The following PACRG variants were observed in gnomAD, a reference collection of about 807,000 sequenced individuals.
PACRG encodes parkin coregulated gene protein.
A neutral mutation model predicts 29.7 loss-of-function variants in PACRG; 29 were observed. The ratio of observed to expected loss-of-function variants is 0.98; its 90% confidence interval spans 0.73 to 1.33. PACRG has a LOEUF of 1.33. Among genes scored for constraint, PACRG ranks in the 40% most tolerant of loss-of-function variants. The probability of loss-of-function intolerance (pLI) is 0.00; values close to 1 mark genes in which losing one functional copy is unlikely to be tolerated. For synonymous variants in PACRG, 116 were observed against 118.7 expected (o/e 0.98, Z 0.15); for missense variants, 279 against 316.2 (o/e 0.88, Z 0.89).
At chr6:162,789,976 A>G (rs1784807124) in intron 1 of PACRG, among the ~76,000 whole-genome samples, 1 of 152,138 alleles carries the variant, frequency 6.6e-6, no homozygotes, top group African/African-American at 2.4e-5. Flanking sequence ...ATTTAGCACT[A>G]TTGGTTTACC....
chr6:162,773,494 A>ATTT (rs71008110), intron 1 of PACRG, among the ~76,000 whole-genome samples: 1,887 of 66,038 alleles, frequency 0.029, 257 homozygotes, highest in East Asian at 0.11. Context: ...ACAGCTTGTC[A>ATTT]TTTTTTTTTT....
chr6:163,265,016 G>A lies in PACRG; in HGVS notation c.614-49811G>A, dbSNP rs146379804. Among the ~76,000 whole-genome samples, 401 of 152,276 alleles carry A rather than the reference G, an allele frequency of 2.6e-3. 3 individuals carry two copies. Among genetic ancestry groups the A allele is most frequent in the African/African-American group, 9.3e-3 (385 of 41,560 alleles). On this transcript the variant is annotated intron_variant, in intron 4 of 4. Coordinates refer to ENST00000366888, the MANE Select transcript of PACRG (RefSeq NM_001080379.2). ...GATAGATCCTAGCAATGGATGATAT[G>A]CTTTTAAGCTGAAAGTGCTTTGAGG...
intron 2 of PACRG, among the ~76,000 whole-genome samples, chr6:163,029,502 G>A (rs529554375): frequency 3.9e-5 from 6 of 152,106 alleles, no homozygotes; most frequent in African/African-American, 1.2e-4. Context: ...TTTCCTCCAG[G>A]GGATAAAGAT....
intron 4 of PACRG, among the ~76,000 whole-genome samples, chr6:163,175,985 C>G (rs540243599): frequency 2.1e-4 from 32 of 152,284 alleles, no homozygotes; most frequent in African/African-American, 7.7e-4. Flanking sequence ...GGTAATGAGT[C>G]TATTCTGTTT....
At chr6:163,192,303 G>A (rs1001491) in intron 4 of PACRG, among the ~76,000 whole-genome samples, 119,088 of 152,240 alleles carry the variant, frequency 0.78, 47,163 homozygotes, top group Non-Finnish European at 0.85. Flanking sequence ...CTTGTTGACT[G>A]TTTTGTATGG....
At chr6:163,035,377 G>A (rs1470193226) in intron 2 of PACRG, among the ~76,000 whole-genome samples, 9 of 151,962 alleles carry the variant, frequency 5.9e-5, no homozygotes, top group South Asian at 2.1e-4. Context: ...GGCTGGGCAC[G>A]GTGGCTCATG....
chr6:163,244,589 G>C (rs746861570), intron 4 of PACRG, among the ~76,000 whole-genome samples: 1 of 152,138 alleles, frequency 6.6e-6, no homozygotes, highest in Non-Finnish European at 1.5e-5. Flanking sequence ...ACAAGAGCTC[G>C]TGAGGCTGAA....
At chr6:162,727,622 G>C, upstream of PACRG, 1 of 1,572,646 alleles carries the variant, frequency 6.4e-7, no homozygotes. Flanking sequence ...CGGGGCGTGG[G>C]GCGGCGCAGA....
In PACRG at chr6:162,827,311, C is replaced by A. The variant is rs1397525051; in HGVS notation, c.291+13030C>A. Among the ~76,000 whole-genome samples the A allele has an allele frequency of 4.6e-5, 7 of 152,112 alleles. No homozygotes were observed. The East Asian group carries it at 1.4e-3, about 29-fold the overall frequency. ...ATTCTAACTTATTACATTTAATAAA[C>A]TAACAATTGGGACTAGCTTCAAATC... On this transcript the variant is annotated intron_variant, in intron 2 of 4. Coordinates refer to ENST00000366888, the MANE Select transcript of PACRG (RefSeq NM_001080379.2).
intron 2 of PACRG, among the ~76,000 whole-genome samples, chr6:163,013,646 C>T (rs1259232723): frequency 6.6e-6 from 1 of 152,052 alleles, no homozygotes; most frequent in Non-Finnish European, 1.5e-5. Context: ...GAAAGAAACT[C>T]GTGGGTGTGG....
intron 1 of PACRG, among the ~76,000 whole-genome samples, chr6:162,745,227 C>T (rs1042210094): frequency 2.0e-5 from 3 of 152,056 alleles, no homozygotes; most frequent in African/African-American, 7.2e-5. Context: ...AGATTGTATC[C>T]TTTGCAAGGA....
At chr6:162,903,855 G>C (rs1375003738) in intron 2 of PACRG, among the ~76,000 whole-genome samples, 3 of 152,168 alleles carry the variant, frequency 2.0e-5, no homozygotes, top group Non-Finnish European at 4.4e-5. Flanking sequence ...CTGCCTCAGG[G>C]TGGGCCCCTG....
chr6:162,956,118 A>C (rs1800011569), intron 2 of PACRG, among the ~76,000 whole-genome samples: 1 of 152,216 alleles, frequency 6.6e-6, no homozygotes, highest in African/African-American at 2.4e-5. Flanking sequence ...ACTCGTGTTA[A>C]GGTGGAAGAT....
intron 3 of PACRG, among the ~76,000 whole-genome samples, chr6:163,072,801 C>T (rs1175593806): frequency 6.6e-6 from 1 of 152,032 alleles, no homozygotes; most frequent in Non-Finnish European, 1.5e-5. Context: ...TTAGCATTTC[C>T]ATATACCAAG....
intron 4 of PACRG, among the ~76,000 whole-genome samples, chr6:163,178,630 G>A (rs1415380904): frequency 6.6e-6 from 1 of 152,170 alleles, no homozygotes. Context: ...TCTTACCTAA[G>A]CCAGTATTAT....
intron 3 of PACRG, among the ~76,000 whole-genome samples, chr6:163,064,059 A>G (rs980333275): frequency 1.3e-5 from 2 of 152,122 alleles, no homozygotes; most frequent in East Asian, 3.8e-4. Context: ...CTCTGGCAGA[A>G]TAGCAGCAAT....
chr6:162,964,372 C>T (rs1800863639), intron 2 of PACRG, among the ~76,000 whole-genome samples: 1 of 152,062 alleles, frequency 6.6e-6, no homozygotes, highest in African/African-American at 2.4e-5. Context: ...GTAACAATTA[C>T]AAAAATAGTA....
chr6:162,789,999 T>C (rs1436989348), intron 1 of PACRG, among the ~76,000 whole-genome samples: 1 of 152,210 alleles, frequency 6.6e-6, no homozygotes, highest in Non-Finnish European at 1.5e-5. Context: ...TTCCAAGTAC[T>C]GATTTTAGAA....
intron 1 of PACRG, among the ~76,000 whole-genome samples, chr6:162,771,452 G>C (rs928783373): frequency 5.3e-5 from 8 of 152,112 alleles, no homozygotes; most frequent in African/African-American, 1.9e-4. Context: ...TGTTGCTGTG[G>C]TTCTGAGTGC....
Sources: allele counts gnomAD v4.1 joint callset (sites outside exome capture counted in the v4.1 genomes callset), GRCh38; gene constraint gnomAD v4.1.1; transcripts MANE v1.5; gene names NCBI Gene and HGNC (gene_info 2026-07-23, HGNC 2026-07-21).